Variants in TNFSF4 observed in about 807,000 individuals in gnomAD.
TNFSF4 encodes the protein TNF superfamily member 4.
A neutral mutation model predicts 7.3 loss-of-function variants in TNFSF4; 4 were observed. The ratio of observed to expected loss-of-function variants is 0.55; its 90% CI spans 0.27 to 1.25. The LOEUF is 1.25. Ranked by LOEUF, TNFSF4 falls within the 50% of genes most tolerant of loss-of-function variation. The probability of loss-of-function intolerance (pLI) is 0.12; values close to 1 mark genes in which losing one functional copy is unlikely to be tolerated. For synonymous variants in TNFSF4, 76 were observed against 83.7 expected (o/e 0.91, Z 0.50); for missense variants, 181 against 208.8 (o/e 0.87, Z 0.82).
chr1:173,403,849 C>A, the TNFSF4 span, among the ~76,000 whole-genome samples: 1 of 151,454 alleles, frequency 6.6e-6, no homozygotes, highest in East Asian at 1.9e-4. Context: ...TTGCAATGAG[C>A]TGAGATCACA....
At chr1:173,187,064 A>G (rs1649262121) in intron 2 of TNFSF4, among the ~76,000 whole-genome samples, 199 bp from the exon 3 acceptor site, 1 of 152,076 alleles carries the variant, frequency 6.6e-6, no homozygotes, top group Admixed American at 6.6e-5. Flanking sequence ...CAAAAAAAAA[A>G]AAGAAAAAGG....
At chr1:173,248,475 AGAAGGAAG>A in the TNFSF4 span, among the ~76,000 whole-genome samples, 18 of 148,742 alleles carry the variant, frequency 1.2e-4, no homozygotes, top group Non-Finnish European at 2.1e-4. Context: ...AGAAAAAGAA[AGAAGGAAG>A]GAAGGAAGGA....
the TNFSF4 span, among the ~76,000 whole-genome samples, chr1:173,400,338 T>A: frequency 6.6e-6 from 1 of 152,192 alleles, no homozygotes; most frequent in African/African-American, 2.4e-5. Context: ...CAGCAAGGAA[T>A]AGATAGTGCT....
At chr1:173,410,793 C>T in the TNFSF4 span, among the ~76,000 whole-genome samples, 185 of 152,308 alleles carry the variant, frequency 1.2e-3, 1 homozygote, top group African/African-American at 4.2e-3. Flanking sequence ...GACCTTGGTG[C>T]TCCTTGGACT....
the TNFSF4 span, among the ~76,000 whole-genome samples, chr1:173,448,603 G>T: frequency 6.6e-6 from 1 of 152,154 alleles, no homozygotes; most frequent in African/African-American, 2.4e-5. Context: ...TTCTCTAGCG[G>T]ATGGGAGTGG....
At chr1:173,183,555 T>G (rs776199289), downstream of TNFSF4, among the ~76,000 whole-genome samples, 1 of 152,148 alleles carries the variant, frequency 6.6e-6, no homozygotes, top group Admixed American at 6.5e-5. Context: ...GAGCATCTTT[T>G]CAAAAGCAAA....
the TNFSF4 span, among the ~76,000 whole-genome samples, chr1:173,381,110 A>T: frequency 6.6e-6 from 1 of 152,048 alleles, no homozygotes; most frequent in Non-Finnish European, 1.5e-5. Context: ...CAGTTTATCT[A>T]CTTAATTATC....
the TNFSF4 span, among the ~76,000 whole-genome samples, chr1:173,415,526 G>T: frequency 6.6e-6 from 1 of 152,216 alleles, no homozygotes; most frequent in African/African-American, 2.4e-5. Flanking sequence ...GACACTCCAG[G>T]AGCAAAGGGC....
At chr1:173,323,478 AG>A in the TNFSF4 span, among the ~76,000 whole-genome samples, 1 of 152,234 alleles carries the variant, frequency 6.6e-6, no homozygotes, top group East Asian at 1.9e-4. Context: ...AAAGGAACGC[AG>A]CTCCTCACCA....
the TNFSF4 span, among the ~76,000 whole-genome samples, chr1:173,265,257 C>T: frequency 2.3e-4 from 35 of 152,192 alleles, no homozygotes; most frequent in Middle Eastern, 6.8e-3. Flanking sequence ...TTCCTATAGC[C>T]GGGCAGTGGA....
the TNFSF4 span, among the ~76,000 whole-genome samples, chr1:173,243,009 G>C: frequency 2.6e-5 from 3 of 116,788 alleles, no homozygotes; most frequent in South Asian, 3.6e-4. Context: ...GTGGGTGGGG[G>C]GGGGGGGGGA....
At chr1:173,354,298 T>C in the TNFSF4 span, among the ~76,000 whole-genome samples, 16 of 152,178 alleles carry the variant, frequency 1.1e-4, 1 homozygote, top group Admixed American at 8.5e-4. Flanking sequence ...CAGGAAGACA[T>C]TGAATCTCTG....
At chr1:173,240,198 G>T in the TNFSF4 span, among the ~76,000 whole-genome samples, 1 of 151,936 alleles carries the variant, frequency 6.6e-6, no homozygotes, top group South Asian at 2.1e-4. Flanking sequence ...TAAGTACACA[G>T]AATTGAGTTA....
At chr1:173,256,128 G>A in the TNFSF4 span, among the ~76,000 whole-genome samples, 1 of 152,290 alleles carries the variant, frequency 6.6e-6, no homozygotes, top group East Asian at 1.9e-4. Context: ...ATGAAGACTG[G>A]AGGGAGTTCA....
At chr1:173,426,068 G>A in the TNFSF4 span, among the ~76,000 whole-genome samples, 10 of 152,220 alleles carry the variant, frequency 6.6e-5, no homozygotes, top group African/African-American at 2.4e-4. Context: ...CCAACATGCT[G>A]TATCAATAGA....
At chr1:173,315,254 A>C in the TNFSF4 span, among the ~76,000 whole-genome samples, 1 of 152,172 alleles carries the variant, frequency 6.6e-6, no homozygotes, top group Non-Finnish European at 1.5e-5. Context: ...CTACAGTCAC[A>C]TGCATAGAAT....
chr1:173,420,070 AT>A, the TNFSF4 span, among the ~76,000 whole-genome samples: 4 of 151,956 alleles, frequency 2.6e-5, no homozygotes, highest in South Asian at 4.2e-4. Context: ...GTAAAAAGCA[AT>A]TTTTTTTCTT....
At chr1:173,245,914 AATTTTATTC>A in the TNFSF4 span, among the ~76,000 whole-genome samples, 1 of 152,192 alleles carries the variant, frequency 6.6e-6, no homozygotes, top group Non-Finnish European at 1.5e-5. Flanking sequence ...TGAATGATAG[AATTTTATTC>A]ATTTTGTTGC....
chr1:173,373,257 CA>C, the TNFSF4 span, among the ~76,000 whole-genome samples: 1 of 152,106 alleles, frequency 6.6e-6, no homozygotes, highest in Non-Finnish European at 1.5e-5. Flanking sequence ...CCAAAGCCAT[CA>C]AAAAGGTGTA....
Sources: allele counts gnomAD v4.1 joint callset (sites outside exome capture counted in the v4.1 genomes callset), GRCh38; gene constraint gnomAD v4.1.1; transcripts MANE v1.5; gene names NCBI Gene and HGNC (gene_info 2026-07-23, HGNC 2026-07-21).